Variants in ASB18 observed in about 807,000 individuals in gnomAD.
ASB18 encodes ankyrin repeat and SOCS box containing 18.
ASB18 carries 33 observed loss-of-function variants against 33.4 expected under a neutral mutation model. The observed-to-expected ratio is 0.99, with a 90% CI of 0.75 to 1.32. The LOEUF is 1.32. ASB18 is among the 40% of genes most tolerant of loss of function. The pLI, the probability that ASB18 is intolerant of heterozygous loss-of-function variation, is 0.00. For synonymous variants in ASB18, 295 were observed against 307.6 expected (o/e 0.96, Z 0.43); for missense variants, 694 against 655.5 (o/e 1.06, Z -0.64).
At chr2:236,197,838 C>G (rs2060381567) in intron 4 of ASB18, among the ~76,000 whole-genome samples, 1 of 150,350 alleles carries the variant, frequency 6.7e-6, no homozygotes, top group African/African-American at 2.5e-5. Flanking sequence ...AAAAAAGAAG[C>G]TGGACCAAAT....
At position 236,238,107 on chromosome 2, in the gene ASB18, CACACAGAG is replaced by C. The variant is rs1456212554; in HGVS notation, c.329-159_329-152del. 6.6e-6 allele frequency among the ~76,000 whole-genome samples: 1 copy of C among 151,974 alleles called. No individual in the cohort carries two copies. Among genetic ancestry groups the C allele is most frequent in the Non-Finnish European group, 1.5e-5 (1 of 67,984 alleles). On this transcript the variant is annotated intron_variant, in intron 2 of 5. Coordinates refer to ENST00000409749, the MANE Select transcript of ASB18 (RefSeq NM_212556.4). The surrounding 1 kb of genome is among the most constrained non-coding windows in gnomAD (Gnocchi z 5.2). ...GGAGAAGAGGATAGAATCAGAGACG[CACACAGAG>C]ACAGAGAGCAGAGAGACACACTGGG...
In ASB18 at chr2:236,237,009, C is replaced by T. The variant is rs6761465; in HGVS notation, c.596+680G>A. 0.092 allele frequency among the ~76,000 whole-genome samples: 13,964 copies of T among 152,156 alleles called. 1,628 individuals are homozygous for T. The highest frequency in any genetic ancestry group is 0.27 in the African/African-American group (11,290 of 41,492). On this transcript the variant is annotated intron_variant, in intron 3 of 5. Transcript: ENST00000409749. This position sits in a 1 kb window ranked among gnomAD's most constrained non-coding sequence, Gnocchi z 6.2. ...AGACCCGGAGCACACGCTGGGAGGG[C>T]GCTCTCTGGGGACGGGGGCTGCGGG...
rs1295203614 is a variant in ASB18, at chr2:236,203,907, C to A, written c.1102-7522G>T. On this transcript the variant is annotated intron_variant, in intron 4 of 5. Transcript: ENST00000409749. This position sits in a 1 kb window ranked among gnomAD's most constrained non-coding sequence, Gnocchi z 6.0. ...CCAAACCAACCAACCAACCAACCAACCAACCAAACAAGGACATATCACCAA... is the reference window on the plus strand; with the variant it reads ...CCAAACCAACCAACCAACCAACCAAACAACCAAACAAGGACATATCACCAA... Among the ~76,000 whole-genome samples, 1 of 151,944 alleles carries A rather than the reference C, an allele frequency of 6.6e-6. No homozygotes were observed. Among genetic ancestry groups the A allele is most frequent in the African/African-American group, 2.4e-5 (1 of 41,322 alleles).
rs991049896 is a variant in ASB18, at chr2:236,262,685, A to C, written c.205+1456T>G. Among the ~76,000 whole-genome samples, 1 of 152,134 alleles carries C rather than the reference A, an allele frequency of 6.6e-6. No individual in the cohort carries two copies. The highest frequency in any genetic ancestry group is 1.5e-5 in the Non-Finnish European group (1 of 68,014). On this transcript the variant is annotated intron_variant, in intron 1 of 5. Transcript: ENST00000409749. This position sits in a 1 kb window ranked among gnomAD's most constrained non-coding sequence, Gnocchi z 5.2. ...CAGTCCAATCACTGCTTGTGATGAC[A>C]ACCTCCCCTAAACCCCCCCCAGGGC...
Position 236,262,437 on chromosome 2 carries a change from G to A in ASB18, c.205+1704C>T, listed in dbSNP as rs1321504309. On this transcript the variant is annotated intron_variant, in intron 1 of 5. Coordinates refer to ENST00000409749, the MANE Select transcript of ASB18 (RefSeq NM_212556.4). The surrounding 1 kb of genome is among the most constrained non-coding windows in gnomAD (Gnocchi z 5.2). ...GCAGGAGCTGCTGGGCAGGAGCCAA[G>A]CCTTCCACAGAAGGAGGCTGCTAAA... 6.6e-6 allele frequency among the ~76,000 whole-genome samples: 1 copy of A among 152,202 alleles called. No individual in the cohort carries two copies. The highest frequency in any genetic ancestry group is 1.5e-5 in the Non-Finnish European group (1 of 68,034).
In ASB18 at chr2:236,263,544, A is replaced by G. The variant is rs1227122888; in HGVS notation, c.205+597T>C. ...AACAATTTGGAACCAATTTAGAAAC[A>G]ATACAATTTGAAAAAATGTTATGTT... On this transcript the variant is annotated intron_variant, in intron 1 of 5. Coordinates refer to ENST00000409749, the MANE Select transcript of ASB18 (RefSeq NM_212556.4). The surrounding 1 kb of genome is among the most constrained non-coding windows in gnomAD (Gnocchi z 4.0). 6.6e-6 allele frequency among the ~76,000 whole-genome samples: 1 copy of G among 152,226 alleles called. No individual in the cohort carries two copies. Among genetic ancestry groups the G allele is most frequent in the African/African-American group, 2.4e-5 (1 of 41,446 alleles).
intron 1 of ASB18, among the ~76,000 whole-genome samples, chr2:236,258,588 A>T (rs1179503801): frequency 6.6e-6 from 1 of 152,138 alleles, no homozygotes; most frequent in East Asian, 1.9e-4. Context: ...GTCCTGAGTG[A>T]TGTTATTCTC....
intron 1 of ASB18, among the ~76,000 whole-genome samples, chr2:236,242,526 C>G (rs1320718086): frequency 6.6e-6 from 1 of 152,136 alleles, no homozygotes; most frequent in Non-Finnish European, 1.5e-5. Flanking sequence ...TTTCATGATA[C>G]TCACTGCACC....
At position 236,220,607 on chromosome 2, in the gene ASB18, A is replaced by G. The variant is rs1012580884; in HGVS notation, c.597-5741T>C. ...TCTTTAGTCCCTGAAACAACTTTGC[A>G]TTGTAGGTGGAATTTACAGTTGGGG... On this transcript the variant is annotated intron_variant, in intron 3 of 5. Coordinates refer to ENST00000409749, the MANE Select transcript of ASB18 (RefSeq NM_212556.4). This position sits in a 1 kb window ranked among gnomAD's most constrained non-coding sequence, Gnocchi z 5.1. Among the ~76,000 whole-genome samples the G allele has an allele frequency of 1.2e-4, 17 of 146,818 alleles. No homozygotes were observed. Among genetic ancestry groups the G allele is most frequent in the African/African-American group, 4.3e-4 (17 of 39,428 alleles).
rs1019258453 is a variant in ASB18, at chr2:236,236,626, C to T, written c.596+1063G>A. ...GCGGGGGTCCACGTGGCCCCCTGAT[C>T]CCCCCTCTGAACTCAAATGACCTTT... On this transcript the variant is annotated intron_variant, in intron 3 of 5. Coordinates refer to ENST00000409749, the MANE Select transcript of ASB18 (RefSeq NM_212556.4). Among the ~76,000 whole-genome samples, 6 of 151,368 alleles carry T rather than the reference C, an allele frequency of 4.0e-5. No individual in the cohort carries two copies. The East Asian group carries it at 9.8e-4, about 25-fold the overall frequency.
At chr2:236,201,105 CCCTTCCCT>C (rs1287483020) in intron 4 of ASB18, among the ~76,000 whole-genome samples, 16 of 151,194 alleles carry the variant, frequency 1.1e-4, no homozygotes, top group Middle Eastern at 6.8e-3. Flanking sequence ...AGGCAGTGTT[CCCTTCCCT>C]CCTTCCCTCC....
In ASB18 at chr2:236,259,395, A is replaced by G. The variant is rs1559340121; in HGVS notation, c.205+4746T>C. On this transcript the variant is annotated intron_variant, in intron 1 of 5. Transcript: ENST00000409749. This position sits in a 1 kb window ranked among gnomAD's most constrained non-coding sequence, Gnocchi z 4.4. ...GAGTGTTAGGCGAGGTTCTGGCCCT[A>G]GAAGAGGTGGCATTCAGGTTTGAAT... 2.4e-6 allele frequency: 1 copy of G among 410,100 alleles called. No individual in the cohort carries two copies. Among genetic ancestry groups the G allele is most frequent in the Non-Finnish European group, 5.1e-6 (1 of 194,850 alleles). The allele number at this position is 410,100 out of a possible 1,614,324, so 25.4% of individuals were successfully genotyped here.
rs951020102 is a variant in ASB18 at position 236,245,930 on chromosome 2, C to T, written c.206-4528G>A. Among the ~76,000 whole-genome samples, 6 of 152,190 alleles carry T rather than the reference C, an allele frequency of 3.9e-5. No homozygotes were observed. The highest frequency in any genetic ancestry group is 1.4e-4 in the African/African-American group (6 of 41,454). Reference sequence around the variant, plus strand: ...GTTGCCTTTCACCCTTAGGGAAGAACACCATAACGTGGACGCTCGGCTGGC... The same window carrying T: ...GTTGCCTTTCACCCTTAGGGAAGAATACCATAACGTGGACGCTCGGCTGGC... On this transcript the variant is annotated intron_variant, in intron 1 of 5. Transcript: ENST00000409749. The surrounding 1 kb of genome is among the most constrained non-coding windows in gnomAD (Gnocchi z 4.7).
Position 236,217,651 on chromosome 2 carries a change from G to T in ASB18, c.597-2785C>A, listed in dbSNP as rs2060494075. 6.6e-6 allele frequency among the ~76,000 whole-genome samples: 1 copy of T among 152,126 alleles called. No individual in the cohort carries two copies. The highest frequency in any genetic ancestry group is 1.5e-5 in the Non-Finnish European group (1 of 68,038). On this transcript the variant is annotated intron_variant, in intron 3 of 5. Transcript: ENST00000409749. This position sits in a 1 kb window ranked among gnomAD's most constrained non-coding sequence, Gnocchi z 5.2. Reference sequence around the variant, plus strand: ...CTCTGAACAAGATCATCCATTGAGGGTTTCCCGGCTGCCCTTAAATCCATT... The same window carrying T: ...CTCTGAACAAGATCATCCATTGAGGTTTTCCCGGCTGCCCTTAAATCCATT...
chr2:236,232,726 AG>A (rs1222054682), intron 3 of ASB18, among the ~76,000 whole-genome samples: 1 of 151,954 alleles, frequency 6.6e-6, no homozygotes, highest in Admixed American at 6.5e-5. Context: ...AAAGCATTAA[AG>A]CTCACTCAAA....
chr2:236,197,985 C>T (rs559050106), intron 4 of ASB18, among the ~76,000 whole-genome samples: 51 of 152,238 alleles, frequency 3.4e-4, no homozygotes, highest in Admixed American at 2.1e-3. Context: ...TTTCTAAGCC[C>T]AGCTACCATA....
chr2:236,237,581 G>GT lies in ASB18; in HGVS notation c.596+107_596+108insA. On this transcript the variant is annotated intron_variant, in intron 3 of 5. Coordinates refer to ENST00000409749, the MANE Select transcript of ASB18 (RefSeq NM_212556.4). The surrounding 1 kb of genome is among the most constrained non-coding windows in gnomAD (Gnocchi z 6.2). The stretch of plus-strand genomic sequence containing the variant: ...AAGGGTGCAGGGTCTGGGTCCGGAG[G>GT]CGGGGGCTGGGACGGAGGCGGAGGC... The GT allele has an allele frequency of 1.1e-6, 1 of 937,032 alleles. No individual in the cohort carries two copies. Among genetic ancestry groups the GT allele is most frequent in the Non-Finnish European group, 1.4e-6 (1 of 692,196 alleles). The allele number at this position is 937,032 out of a possible 1,614,324, so 58.0% of individuals were successfully genotyped here. A position where few individuals can be genotyped will look rare whatever the true frequency, so the allele number is the denominator to read the frequency against.
Position 236,239,172 on chromosome 2 carries a change from CAAT to C in ASB18, c.329-1219_329-1217del, listed in dbSNP as rs2060610008. ...ATCTACATTGTTATCCCCGTGATAA[CAAT>C]AACCTACATTCCTGCAGGTGCCAGC... On this transcript the variant is annotated intron_variant, in intron 2 of 5. Transcript: ENST00000409749. The surrounding 1 kb of genome is among the most constrained non-coding windows in gnomAD (Gnocchi z 5.6). Among the ~76,000 whole-genome samples the C allele has an allele frequency of 6.6e-6, 1 of 152,212 alleles. No homozygotes were observed. The highest frequency in any genetic ancestry group is 2.1e-4 in the South Asian group (1 of 4,836).
chr2:236,211,733 T>C lies in ASB18; in HGVS notation c.1101+2629A>G, dbSNP rs922667716. Among the ~76,000 whole-genome samples the C allele has an allele frequency of 5.3e-5, 8 of 152,212 alleles. No homozygotes were observed. Among genetic ancestry groups the C allele is most frequent in the African/African-American group, 1.9e-4 (8 of 41,470 alleles). ...AGGGAGACTGGGTGGAGGAAGAGGC[T>C]GCCTCTAGCTTTCCACAGAGTTTTG... On this transcript the variant is annotated intron_variant, in intron 4 of 5. Transcript: ENST00000409749. This position sits in a 1 kb window ranked among gnomAD's most constrained non-coding sequence, Gnocchi z 5.0.
Sources: allele counts gnomAD v4.1 joint callset (sites outside exome capture counted in the v4.1 genomes callset), GRCh38; gene constraint gnomAD v4.1.1; non-coding constraint Gnocchi (gnomAD v3.1); transcripts MANE v1.5; gene names NCBI Gene and HGNC (gene_info 2026-07-23, HGNC 2026-07-21).